The following ST6GALNAC5 variants were observed in gnomAD, a reference collection of about 807,000 sequenced individuals.
ST6GALNAC5 encodes alpha-N-acetylgalactosaminide alpha-2,6-sialyltransferase 5.
In ST6GALNAC5, 27 loss-of-function variants were observed where a neutral mutation model predicts 33.6. The observed-to-expected ratio is 0.80, with a 90% CI of 0.59 to 1.11. The LOEUF (loss-of-function observed/expected upper bound fraction) is 1.11. Ranked by LOEUF, ST6GALNAC5 falls within the 50% of genes least tolerant of loss-of-function variation. The pLI is 0.00. For missense variants in ST6GALNAC5, 428 were observed against 454.0 expected, an observed-to-expected ratio of 0.94 and a Z score of 0.52; for synonymous variants, 194 against 171.2, an observed-to-expected ratio of 1.13 and a Z score of -1.04.
At chr1:76,956,927 C>T (rs1648023111) in intron 2 of ST6GALNAC5, among the ~76,000 whole-genome samples, 1 of 152,116 alleles carries the variant, frequency 6.6e-6, no homozygotes, top group Non-Finnish European at 1.5e-5. Flanking sequence ...AGGGAGATAA[C>T]CTCTATTGAT....
At chr1:76,941,494 T>G (rs1647334787) in intron 2 of ST6GALNAC5, among the ~76,000 whole-genome samples, 1 of 152,104 alleles carries the variant, frequency 6.6e-6, no homozygotes, top group Non-Finnish European at 1.5e-5. Context: ...TCCTAATCAC[T>G]AGAACCTATA....
At chr1:76,947,629 C>T (rs1282707514) in intron 2 of ST6GALNAC5, among the ~76,000 whole-genome samples, 1 of 152,056 alleles carries the variant, frequency 6.6e-6, no homozygotes, top group Non-Finnish European at 1.5e-5. Flanking sequence ...CCCAGCTACT[C>T]AGGATGCTGA....
intron 2 of ST6GALNAC5, among the ~76,000 whole-genome samples, chr1:76,916,867 A>G (rs1646981353): frequency 6.6e-6 from 1 of 152,194 alleles, no homozygotes; most frequent in Admixed American, 6.5e-5. Flanking sequence ...ATGTTAGTAT[A>G]ATTTCCCTGT....
intron 2 of ST6GALNAC5, among the ~76,000 whole-genome samples, chr1:76,960,648 G>A (rs1648196883): frequency 6.6e-6 from 1 of 152,120 alleles, no homozygotes; most frequent in Admixed American, 6.6e-5. Flanking sequence ...AACCCCCGAA[G>A]CGGCCATTTC....
intron 2 of ST6GALNAC5, among the ~76,000 whole-genome samples, chr1:77,019,729 G>A (rs1412611200): frequency 3.9e-5 from 6 of 152,180 alleles, no homozygotes; most frequent in Admixed American, 2.0e-4. Context: ...GTGTTTAGGC[G>A]GTTAGCTCTT....
intron 2 of ST6GALNAC5, among the ~76,000 whole-genome samples, chr1:76,935,180 A>G (rs1465085701): frequency 2.6e-5 from 4 of 152,134 alleles, no homozygotes; most frequent in African/African-American, 9.6e-5. Context: ...AGCATGTTAA[A>G]ATGGACTACT....
At chr1:76,928,723 C>A (rs930293855) in intron 2 of ST6GALNAC5, among the ~76,000 whole-genome samples, 1 of 152,158 alleles carries the variant, frequency 6.6e-6, no homozygotes, top group Non-Finnish European at 1.5e-5. Context: ...TAGAATGTGG[C>A]TTCTTGCCAC....
At chr1:77,057,038 A>C (rs530393930) in intron 4 of ST6GALNAC5, among the ~76,000 whole-genome samples, 23 of 152,342 alleles carry the variant, frequency 1.5e-4, no homozygotes, top group African/African-American at 5.5e-4. Flanking sequence ...AGAGCAAGCC[A>C]ATTGCAGAAC....
At chr1:76,939,770 T>C (rs1237233718) in intron 2 of ST6GALNAC5, among the ~76,000 whole-genome samples, 1 of 152,146 alleles carries the variant, frequency 6.6e-6, no homozygotes, top group African/African-American at 2.4e-5. Context: ...GGCACTGTGC[T>C]AGGCACTTGA....
intron 2 of ST6GALNAC5, among the ~76,000 whole-genome samples, chr1:77,025,606 C>T (rs961785267): frequency 6.6e-6 from 1 of 151,954 alleles, no homozygotes; most frequent in South Asian, 2.1e-4. Context: ...GCATCTGTAG[C>T]CACATGGGAT....
chr1:76,903,019 G>A (rs1646832933), intron 2 of ST6GALNAC5, among the ~76,000 whole-genome samples: 1 of 151,878 alleles, frequency 6.6e-6, no homozygotes, highest in Non-Finnish European at 1.5e-5. Flanking sequence ...CAAAACATGA[G>A]CAACAACAAC....
chr1:77,024,868 A>C (rs1235459343), intron 2 of ST6GALNAC5, among the ~76,000 whole-genome samples: 4 of 152,200 alleles, frequency 2.6e-5, no homozygotes, highest in Non-Finnish European at 4.4e-5. Context: ...TCAGGGATTT[A>C]GAGAAGCTTC....
chr1:76,985,044 CCA>C (rs953651316), intron 2 of ST6GALNAC5, among the ~76,000 whole-genome samples: 1 of 152,092 alleles, frequency 6.6e-6, no homozygotes, highest in African/African-American at 2.4e-5. Flanking sequence ...TATGACAAAC[CCA>C]CACCCAATAT....
chr1:76,907,856 G>C (rs1377917760), intron 2 of ST6GALNAC5, among the ~76,000 whole-genome samples: 1 of 151,982 alleles, frequency 6.6e-6, no homozygotes, highest in Non-Finnish European at 1.5e-5. Flanking sequence ...GATCATCCCA[G>C]TCCCCTCCTC....
intron 2 of ST6GALNAC5, among the ~76,000 whole-genome samples, chr1:76,926,205 G>C (rs898997582): frequency 1.3e-5 from 2 of 152,142 alleles, no homozygotes; most frequent in Non-Finnish European, 2.9e-5. Context: ...ATTTTAAAAA[G>C]TAATGAATGC....
At chr1:76,929,975 A>C (rs1306678787) in intron 2 of ST6GALNAC5, among the ~76,000 whole-genome samples, 2 of 152,134 alleles carry the variant, frequency 1.3e-5, no homozygotes, top group Non-Finnish European at 2.9e-5. Flanking sequence ...AAAATTAATT[A>C]CACTTGGTTG....
intron 2 of ST6GALNAC5, among the ~76,000 whole-genome samples, chr1:77,015,050 A>ACAC (rs1650773952): frequency 2.4e-5 from 3 of 122,498 alleles, no homozygotes; most frequent in African/African-American, 3.6e-5. Context: ...CTCGCACACA[A>ACAC]ACACACACAC....
intron 3 of ST6GALNAC5, among the ~76,000 whole-genome samples, chr1:77,048,864 A>G (rs1479282855): frequency 6.6e-6 from 1 of 152,198 alleles, no homozygotes; most frequent in African/African-American, 2.4e-5. Flanking sequence ...CTTTATAGAT[A>G]AGAAATGAAG....
chr1:76,962,010 T>C (rs929418524), intron 2 of ST6GALNAC5, among the ~76,000 whole-genome samples: 2 of 152,300 alleles, frequency 1.3e-5, no homozygotes, highest in Non-Finnish European at 2.9e-5. Flanking sequence ...AAGTGATTAA[T>C]GTAAAGCAAC....
Sources: allele counts gnomAD v4.1 joint callset (sites outside exome capture counted in the v4.1 genomes callset), GRCh38; gene constraint gnomAD v4.1.1; transcripts MANE v1.5; gene names NCBI Gene and HGNC (gene_info 2026-07-23, HGNC 2026-07-21).